Variants in MDGA2 observed in about 807,000 individuals in gnomAD.
MDGA2 encodes the protein MAM domain-containing glycosylphosphatidylinositol anchor protein 2.
In MDGA2, 40 loss-of-function variants were observed where a neutral mutation model predicts 117.8. The ratio of observed to expected loss-of-function variants is 0.34; its 90% CI spans 0.26 to 0.44. The LOEUF (loss-of-function observed/expected upper bound fraction) is 0.44, where lower values mean the gene tolerates loss of function less well. Among genes scored for constraint, MDGA2 ranks in the 20% least tolerant of loss-of-function variants. The pLI, the probability that MDGA2 is intolerant of heterozygous loss-of-function variation, is 1.00. For synonymous variants in MDGA2, 452 were observed against 439.0 expected, an observed-to-expected ratio of 1.03 and a Z score of -0.37; for missense variants, 1,123 against 1,250.6, an observed-to-expected ratio of 0.90 and a Z score of 1.54.
chr14:46,897,867 C>G (rs1035229288), intron 10 of MDGA2, among the ~76,000 whole-genome samples: 3 of 151,706 alleles, frequency 2.0e-5, no homozygotes, highest in African/African-American at 7.3e-5. Flanking sequence ...TAGTGACAAT[C>G]TTTATCTATT....
intron 1 of MDGA2, among the ~76,000 whole-genome samples, chr14:47,408,056 C>CT (rs56285818): frequency 0.057 from 6,502 of 115,062 alleles, 548 homozygotes; most frequent in African/African-American, 0.15. Flanking sequence ...GGAGATTATT[C>CT]TTTTTTTTTT....
intron 8 of MDGA2, among the ~76,000 whole-genome samples, chr14:47,014,878 G>C (rs1000822767): frequency 2.6e-5 from 4 of 152,078 alleles, no homozygotes; most frequent in Non-Finnish European, 5.9e-5. Flanking sequence ...TCCACAACTT[G>C]GATAACTGGT....
In MDGA2 at chr14:47,289,086, T is replaced by G. The variant is rs544186605; in HGVS notation, c.420+12325A>C. ...AGTTATTAAACTTAAGTCTGAAACCTCCTTTAAAGTCATTTTAATGAGTGT... is the reference window on the plus strand; with the variant it reads ...AGTTATTAAACTTAAGTCTGAAACCGCCTTTAAAGTCATTTTAATGAGTGT... On this transcript the variant is annotated intron_variant, in intron 2 of 16. Transcript: ENST00000399232. Among the ~76,000 whole-genome samples, 33 of 152,150 alleles carry G rather than the reference T, an allele frequency of 2.2e-4. No homozygotes were observed. The South Asian group carries it at 6.4e-3, about 30-fold the overall frequency.
In MDGA2 at chr14:46,862,882, T is replaced by C. The variant is rs541669798; in HGVS notation, c.2753-7728A>G. On this transcript the variant is annotated intron_variant, in intron 14 of 16. Coordinates refer to ENST00000399232, the MANE Select transcript of MDGA2 (RefSeq NM_001113498.3). ...ACAGCTGCCCATGTCCATTGATATTTTTTCAACATATAATTGCAGTGCTAT... is the reference window on the plus strand; with the variant it reads ...ACAGCTGCCCATGTCCATTGATATTCTTTCAACATATAATTGCAGTGCTAT... Among the ~76,000 whole-genome samples the C allele has an allele frequency of 2.0e-5, 3 of 152,234 alleles. No individual in the cohort carries two copies. In the South Asian group the frequency reaches 6.2e-4, roughly 32 times the overall value.
chr14:47,104,726 C>G (rs1880547378), intron 5 of MDGA2, among the ~76,000 whole-genome samples: 1 of 152,138 alleles, frequency 6.6e-6, no homozygotes, highest in Non-Finnish European at 1.5e-5. Flanking sequence ...GGAGATCAAT[C>G]CCCTGTCCTC....
intron 5 of MDGA2, among the ~76,000 whole-genome samples, chr14:47,118,698 G>T (rs1881459783): frequency 6.6e-6 from 1 of 152,098 alleles, no homozygotes; most frequent in African/African-American, 2.4e-5. Flanking sequence ...TGACTTGAAA[G>T]TTAGACCCAT....
At chr14:47,031,248 T>C (rs909172944) in intron 8 of MDGA2, among the ~76,000 whole-genome samples, 1 of 151,484 alleles carries the variant, frequency 6.6e-6, no homozygotes, top group Non-Finnish European at 1.5e-5. Flanking sequence ...ACACACACTA[T>C]TTCCTTTTAG....
At chr14:47,589,134 T>C (rs2138855803) in intron 1 of MDGA2, among the ~76,000 whole-genome samples, 1 of 152,132 alleles carries the variant, frequency 6.6e-6, no homozygotes. Flanking sequence ...TCATGTAAGA[T>C]AATTGCAGGC....
intron 1 of MDGA2, among the ~76,000 whole-genome samples, chr14:47,627,796 C>A (rs1390092643): frequency 4.6e-5 from 7 of 152,134 alleles, no homozygotes; most frequent in African/African-American, 1.7e-4. Context: ...CTGCTGCTCA[C>A]TCTTTGGGTC....
At chr14:47,165,778 T>C (rs1442089874) in intron 3 of MDGA2, among the ~76,000 whole-genome samples, 1 of 152,194 alleles carries the variant, frequency 6.6e-6, no homozygotes, top group African/African-American at 2.4e-5. Flanking sequence ...CAGAACAAAT[T>C]AGTAGTAATA....
At chr14:47,631,809 T>C (rs1897252150) in intron 1 of MDGA2, among the ~76,000 whole-genome samples, 1 of 152,114 alleles carries the variant, frequency 6.6e-6, no homozygotes, top group South Asian at 2.1e-4. Context: ...GGGTTTCTCA[T>C]AATATCTAAT....
At chr14:47,465,750 C>T (rs952177141) in intron 1 of MDGA2, among the ~76,000 whole-genome samples, 3 of 152,168 alleles carry the variant, frequency 2.0e-5, no homozygotes, top group African/African-American at 7.2e-5. Context: ...AATAGTTCAA[C>T]CATTGTGTAA....
intron 14 of MDGA2, among the ~76,000 whole-genome samples, chr14:46,856,919 T>C (rs1170552416): frequency 1.3e-5 from 2 of 152,156 alleles, no homozygotes; most frequent in Admixed American, 1.3e-4. Context: ...AGAGTCAATA[T>C]TTTACTTCTT....
intron 8 of MDGA2, among the ~76,000 whole-genome samples, chr14:46,992,551 A>G (rs1459188343): frequency 2.0e-5 from 3 of 152,176 alleles, no homozygotes; most frequent in Admixed American, 6.6e-5. Context: ...ATTTATGCTT[A>G]AATTTATTAT....
chr14:47,378,747 T>C (rs1009879302), intron 1 of MDGA2, among the ~76,000 whole-genome samples: 2 of 152,208 alleles, frequency 1.3e-5, no homozygotes, highest in African/African-American at 2.4e-5. Context: ...CTGATTGGTG[T>C]ACATTAAAGT....
chr14:47,340,269 C>A (rs1470222453), intron 1 of MDGA2, among the ~76,000 whole-genome samples: 1 of 152,058 alleles, frequency 6.6e-6, no homozygotes, highest in African/African-American at 2.4e-5. Context: ...ACTCTCCAGA[C>A]ATCAATGCAT....
intron 8 of MDGA2, among the ~76,000 whole-genome samples, chr14:47,022,666 CA>C (rs1366946637): frequency 1.3e-5 from 2 of 151,902 alleles, no homozygotes; most frequent in African/African-American, 4.8e-5. Flanking sequence ...CAGGGAATAG[CA>C]GGGGGGAAAT....
At chr14:47,351,785 G>C (rs1222378444) in intron 1 of MDGA2, among the ~76,000 whole-genome samples, 11 of 151,952 alleles carry the variant, frequency 7.2e-5, no homozygotes, top group Admixed American at 7.2e-4. Flanking sequence ...AGTGAAACCA[G>C]AAAAAGTACC....
intron 8 of MDGA2, among the ~76,000 whole-genome samples, chr14:47,033,792 G>T (rs1888745362): frequency 6.6e-6 from 1 of 152,182 alleles, no homozygotes; most frequent in Admixed American, 6.5e-5. Context: ...TTCTATAGAA[G>T]AGGGGCAGGG....
Sources: allele counts gnomAD v4.1 joint callset (sites outside exome capture counted in the v4.1 genomes callset), GRCh38; gene constraint gnomAD v4.1.1; transcripts MANE v1.5; gene names NCBI Gene and HGNC (gene_info 2026-07-23, HGNC 2026-07-21).